Variants in PDE4D observed in about 807,000 individuals in gnomAD.
The protein encoded by PDE4D is phosphodiesterase 4D.
In PDE4D, 24 loss-of-function variants were observed where a neutral mutation model predicts 87.4. The observed-to-expected ratio is 0.27, with a 90% CI of 0.20 to 0.39. The LOEUF (loss-of-function observed/expected upper bound fraction) is 0.39. PDE4D is among the 10% of genes least tolerant of loss of function. The probability of loss-of-function intolerance (pLI) is 1.00; values close to 1 mark genes in which losing one functional copy is unlikely to be tolerated. For synonymous variants in PDE4D, 384 were observed against 383.2 expected, an observed-to-expected ratio of 1.00 and a Z score of -0.02; for missense variants, 714 against 1,041.0, an observed-to-expected ratio of 0.69 and a Z score of 4.32.
chr5:60,289,090 G>T (rs1018501321), intron 1 of PDE4D, among the ~76,000 whole-genome samples: 9 of 152,100 alleles, frequency 5.9e-5, no homozygotes, highest in African/African-American at 2.2e-4. Flanking sequence ...CTACGTTTTT[G>T]CAGCTAAAAG....
At chr5:59,935,636 A>G (rs1756482334) in intron 3 of PDE4D, among the ~76,000 whole-genome samples, 1 of 152,204 alleles carries the variant, frequency 6.6e-6, no homozygotes, top group Non-Finnish European at 1.5e-5. Flanking sequence ...GATAAAAACA[A>G]AAATAGCAAA....
chr5:59,972,349 G>C (rs1028128323), intron 3 of PDE4D, among the ~76,000 whole-genome samples: 6 of 152,094 alleles, frequency 3.9e-5, no homozygotes, highest in Admixed American at 2.0e-4. Context: ...TACCTCTCTT[G>C]ACTTCTCATC....
rs182757068 is a variant in PDE4D at position 59,406,413 on chromosome 5, T to C, written c.456-190445A>G. 2.2e-3 allele frequency among the ~76,000 whole-genome samples: 128 copies of C among 57,174 alleles called. 1 individual carries two copies. The highest frequency in any genetic ancestry group is 4.9e-3 in the African/African-American group (90 of 18,310). The allele number at this position is 57,174 out of a possible 152,430, so 37.5% of individuals were successfully genotyped here. A position where few individuals can be genotyped will look rare whatever the true frequency, so the allele number is the denominator to read the frequency against. On this transcript the variant is annotated intron_variant, in intron 1 of 14. Transcript: ENST00000340635. ...CTTTCCTTCCCCCCCCCCCCCCCCA[T>C]AGAGTCTTGCTCTGTCATCCAGGCT...
intron 1 of PDE4D, among the ~76,000 whole-genome samples, chr5:60,401,606 A>C (rs1741095865): frequency 1.3e-5 from 2 of 152,200 alleles, no homozygotes; most frequent in African/African-American, 4.8e-5. Flanking sequence ...ATCCGCACCA[A>C]TGTTGATCAG....
At chr5:59,408,519 T>G (rs1336875005) in intron 1 of PDE4D, among the ~76,000 whole-genome samples, 2 of 152,160 alleles carry the variant, frequency 1.3e-5, no homozygotes, top group Non-Finnish European at 2.9e-5. Context: ...GAATCCCCCC[T>G]GGGGCATTGC....
intron 1 of PDE4D, among the ~76,000 whole-genome samples, chr5:59,321,758 A>C (rs915463854): frequency 6.6e-6 from 1 of 152,116 alleles, no homozygotes; most frequent in African/African-American, 2.4e-5. Flanking sequence ...TGCTGAGTGT[A>C]ATATGGGAAT....
At chr5:59,121,814 A>G (rs906944413) in intron 5 of PDE4D, among the ~76,000 whole-genome samples, 7 of 152,150 alleles carry the variant, frequency 4.6e-5, no homozygotes, top group African/African-American at 1.7e-4. Flanking sequence ...TGGAGAATCA[A>G]CCTAAGGGTC....
intron 5 of PDE4D, among the ~76,000 whole-genome samples, chr5:59,064,060 A>T (rs1213865017): frequency 3.3e-5 from 5 of 151,662 alleles, no homozygotes; most frequent in South Asian, 2.1e-4. Flanking sequence ...TTATTAAGTT[A>T]AAAAAAATGA....
intron 1 of PDE4D, among the ~76,000 whole-genome samples, chr5:59,516,545 A>G (rs1811185106): frequency 6.6e-6 from 1 of 152,214 alleles, no homozygotes; most frequent in Non-Finnish European, 1.5e-5. Flanking sequence ...TAATTTTTTC[A>G]TAGAAAAAAA....
chr5:59,637,404 C>A (rs1017546161), intron 1 of PDE4D, among the ~76,000 whole-genome samples: 4 of 151,932 alleles, frequency 2.6e-5, no homozygotes, highest in African/African-American at 9.7e-5. Flanking sequence ...GGTATATAAT[C>A]CCAAAGGATT....
chr5:59,672,267 G>C (rs1378314188), intron 1 of PDE4D, among the ~76,000 whole-genome samples: 1 of 152,184 alleles, frequency 6.6e-6, no homozygotes, highest in Non-Finnish European at 1.5e-5. Context: ...GTTGGAGAAA[G>C]TGAAGAGAGG....
intron 1 of PDE4D, among the ~76,000 whole-genome samples, chr5:59,859,339 G>T (rs981567185): frequency 3.9e-5 from 6 of 152,170 alleles, no homozygotes; most frequent in South Asian, 2.1e-4. Flanking sequence ...GGCAGTGTAG[G>T]TGTATAGAGG....
chr5:60,241,116 G>C (rs937290165), intron 1 of PDE4D, among the ~76,000 whole-genome samples: 21 of 151,860 alleles, frequency 1.4e-4, no homozygotes, highest in African/African-American at 4.8e-4. Context: ...TCAACCCAAA[G>C]AAATTCAAGA....
intron 1 of PDE4D, among the ~76,000 whole-genome samples, chr5:59,268,002 A>G (rs1168626947): frequency 6.6e-6 from 1 of 152,100 alleles, no homozygotes; most frequent in Admixed American, 6.6e-5. Flanking sequence ...GTTATTAAAC[A>G]GGGTAGGGTG....
At chr5:59,310,481 A>G (rs930186401) in intron 1 of PDE4D, among the ~76,000 whole-genome samples, 1 of 152,122 alleles carries the variant, frequency 6.6e-6, no homozygotes, top group Non-Finnish European at 1.5e-5. Flanking sequence ...TTGTCTCCAT[A>G]GGGCATCTGT....
chr5:59,133,266 G>T (rs1776537519), intron 5 of PDE4D, among the ~76,000 whole-genome samples: 1 of 152,114 alleles, frequency 6.6e-6, no homozygotes, highest in African/African-American at 2.4e-5. Context: ...GTAGCAAAAT[G>T]GATGCCGATT....
intron 1 of PDE4D, among the ~76,000 whole-genome samples, chr5:59,790,336 G>A (rs867913163): frequency 7.9e-5 from 12 of 152,270 alleles, no homozygotes; most frequent in Middle Eastern, 3.4e-3. Context: ...GATTTAAGTG[G>A]AAATATTTAA....
intron 1 of PDE4D, chr5:59,703,492 T>C (rs561754129): frequency 1.9e-6 from 1 of 516,274 alleles, no homozygotes; most frequent in Non-Finnish European, 3.9e-6. Flanking sequence ...CATTACAAAT[T>C]GATGATAATT....
intron 2 of PDE4D, chr5:60,021,717 A>T (rs1196749696): frequency 1.3e-5 from 2 of 152,238 alleles, no homozygotes; most frequent in Non-Finnish European, 2.9e-5. Context: ...CACTAAGAAT[A>T]TTGGTATTGA....
Sources: allele counts gnomAD v4.1 joint callset (sites outside exome capture counted in the v4.1 genomes callset), GRCh38; gene constraint gnomAD v4.1.1; transcripts MANE v1.5; gene names NCBI Gene and HGNC (gene_info 2026-07-23, HGNC 2026-07-21).